Variants in WDR59 observed in about 807,000 individuals in gnomAD.
The protein encoded by WDR59 is WD repeat domain 59.
Under a neutral mutation model 131.2 loss-of-function variants are expected in WDR59, and 100 were observed. The observed-to-expected ratio is 0.76, with a 90% CI of 0.65 to 0.90. The LOEUF is 0.90. WDR59 is among the 40% of genes least tolerant of loss of function. The pLI, the probability that WDR59 is intolerant of heterozygous loss-of-function variation, is 0.00. For missense variants in WDR59, 1,203 were observed against 1,262.2 expected (o/e 0.95, Z 0.71); for synonymous variants, 601 against 466.2 (o/e 1.29, Z -3.72).
chr16:74,909,349 G>A, intron 16 of WDR59, 152 bp downstream of exon 16: 10 of 949,200 alleles, frequency 1.1e-5, no homozygotes, highest in Non-Finnish European at 1.5e-5. Context: ...ACACCGACTG[G>A]GCCTCAGACC....
chr16:74,910,206 G>T (rs1224832038), intron 14 of WDR59, among the ~76,000 whole-genome samples: 2 of 152,072 alleles, frequency 1.3e-5, no homozygotes, highest in Non-Finnish European at 2.9e-5. Flanking sequence ...GACCTCAAGT[G>T]ATCTGCCCAT....
chr16:74,974,516 G>A (rs1347996977), intron 1 of WDR59, among the ~76,000 whole-genome samples: 1 of 151,854 alleles, frequency 6.6e-6, no homozygotes, highest in Non-Finnish European at 1.5e-5. Context: ...AGTTGGCACA[G>A]CGGGCATGAG....
intron 10 of WDR59, among the ~76,000 whole-genome samples, chr16:74,920,185 T>G (rs1476251558): frequency 6.6e-6 from 1 of 152,156 alleles, no homozygotes; most frequent in Non-Finnish European, 1.5e-5. Flanking sequence ...ATGGTTCAAC[T>G]TACAATTTTT....
At chr16:74,933,892 T>C (rs2031595041) in intron 8 of WDR59, among the ~76,000 whole-genome samples, 1 of 152,216 alleles carries the variant, frequency 6.6e-6, no homozygotes, top group Admixed American at 6.5e-5. Flanking sequence ...CCATTTCTTA[T>C]CTTTAGACCC....
chr16:74,896,772 G>A (rs374414363), intron 18 of WDR59, among the ~76,000 whole-genome samples: 2 of 152,250 alleles, frequency 1.3e-5, no homozygotes, highest in African/African-American at 4.8e-5. Context: ...AATGACACAA[G>A]TCCAAGTATA....
chr16:74,890,180 T>G (rs964431542), intron 20 of WDR59, among the ~76,000 whole-genome samples: 8 of 152,226 alleles, frequency 5.3e-5, no homozygotes, highest in Admixed American at 3.3e-4. Context: ...AGACAGAGTC[T>G]CGCTCTGTCG....
At chr16:74,915,187 T>C (rs553578615) in intron 13 of WDR59, among the ~76,000 whole-genome samples, 25 of 152,290 alleles carry the variant, frequency 1.6e-4, no homozygotes, top group Admixed American at 7.8e-4. Flanking sequence ...CTGGACGGGC[T>C]GGAGGTTTGG....
At chr16:74,916,401 T>G (rs1966389091) in intron 11 of WDR59, 142 bp from the exon 12 acceptor site, 2 of 1,072,814 alleles carry the variant, frequency 1.9e-6, no homozygotes, top group African/African-American at 3.2e-5. Context: ...CAAAATAGAT[T>G]TTACCCATTG....
At chr16:74,948,611 G>T (rs2145127702) in intron 5 of WDR59, 55 bp from the exon 6 acceptor site, 3 of 1,416,512 alleles carry the variant, frequency 2.1e-6, no homozygotes, top group South Asian at 2.3e-5. Context: ...CCACCCACCT[G>T]GTATTTTTCA....
intron 8 of WDR59, among the ~76,000 whole-genome samples, chr16:74,926,130 G>A (rs967123034): frequency 3.3e-5 from 5 of 149,460 alleles, no homozygotes; most frequent in Non-Finnish European, 7.4e-5. Flanking sequence ...TGTGATCTCG[G>A]CTCACTGCAA....
chr16:74,912,274 G>C lies in WDR59; in HGVS notation c.1313C>G (p.Pro438Arg), dbSNP rs761796043. ...CTGGAAGGAAGGGGCGGCGTTGTTT[G>C]GGTACTGTGCAGGGAACTTCACCAG... is the stretch of plus-strand genomic sequence containing the variant. ...KMLVKFPAQY[P>R]NNAAPSFQFI... is the part of the protein sequence containing the mutation. Residue 438 changes from proline (P) to arginine (R), a missense_variant, in exon 14 of 26, where the codon CCA (proline) becomes CGA (arginine). Pro to Arg is a moderately radical substitution (Grantham distance 103). Transcript: ENST00000262144. 6.2e-7 allele frequency: 1 copy of C among 1,614,182 alleles called. No homozygotes were observed. The highest frequency in any genetic ancestry group is 8.5e-7 in the Non-Finnish European group (1 of 1,180,038).
chr16:74,895,349 G>A (rs767525159), intron 18 of WDR59, among the ~76,000 whole-genome samples: 2 of 152,144 alleles, frequency 1.3e-5, no homozygotes, highest in South Asian at 2.1e-4. Context: ...TGAAATCTCC[G>A]CCTCCGGGGT....
rs12051402 is a variant in WDR59, at chr16:74,872,529, C to A, written c.*1680G>T. ...GAGCTATGATTGCATCACCACTCTC[C>A]AGTCTGGGTGACAGAGTGAGACCCT... On this transcript the variant is annotated 3_prime_UTR_variant, in exon 26 of 26. Coordinates refer to ENST00000262144, the MANE Select transcript of WDR59 (RefSeq NM_030581.4). The A allele has an allele frequency of 6.7e-6, 1 of 148,948 alleles. No individual in the cohort carries two copies. The highest frequency in any genetic ancestry group is 6.7e-5 in the Admixed American group (1 of 14,886). 9.2% of individuals were successfully genotyped at this position (148,948 alleles called of 1,614,324 possible).
chr16:74,919,772 G>C (rs934778865), intron 10 of WDR59, among the ~76,000 whole-genome samples: 1 of 152,124 alleles, frequency 6.6e-6, no homozygotes, highest in East Asian at 1.9e-4. Flanking sequence ...AGGCATCCTT[G>C]TCCCCTGGCC....
chr16:74,956,373 G>C, intron 3 of WDR59, 102 bp downstream of exon 3: 2 of 1,401,626 alleles, frequency 1.4e-6, no homozygotes, highest in Non-Finnish European at 9.5e-7. Context: ...TTTTCCAAAT[G>C]AGCAATGAGG....
rs376432115 is a variant in WDR59, at chr16:74,942,816, G to A, written c.456C>T (p.Ser152=). 4 of 1,613,316 alleles carry A rather than the reference G, an allele frequency of 2.5e-6. No individual in the cohort carries two copies. Among genetic ancestry groups the A allele is most frequent in the Non-Finnish European group, 3.4e-6 (4 of 1,179,788 alleles). Residue 152 remains serine, a synonymous_variant, in exon 7 of 26, where the codon TCC becomes TCT. Transcript: ENST00000262144. ...CATTTTTTTTATTCCATTTGACCTGGGAGGCACCCGCTGCAAAGAAAAATC... is the reference window on the plus strand; with the variant it reads ...CATTTTTTTTATTCCATTTGACCTGAGAGGCACCCGCTGCAAAGAAAAATC... ...TVALSAVAGA[S]QVKWNKKNAN... is the part of the protein sequence containing the mutation.
chr16:74,892,022 A>C (rs956805304), intron 20 of WDR59, among the ~76,000 whole-genome samples: 3 of 152,236 alleles, frequency 2.0e-5, no homozygotes, highest in African/African-American at 7.2e-5. Flanking sequence ...TTAAAAAAAT[A>C]CAGAGATAAT....
chr16:74,912,923 T>C (rs1385245154), intron 13 of WDR59, among the ~76,000 whole-genome samples: 2 of 152,168 alleles, frequency 1.3e-5, no homozygotes, highest in Non-Finnish European at 2.9e-5. Context: ...GTTTAAGCGG[T>C]TTTCTGCCCT....
At position 74,892,485 on chromosome 16, in the gene WDR59, T is replaced by C. The variant is rs749847616; in HGVS notation, c.2081A>G (p.Gln694Arg). The C allele has an allele frequency of 1.7e-5, 27 of 1,613,538 alleles. No individual in the cohort carries two copies. The highest frequency in any genetic ancestry group is 3.3e-4 in the Middle Eastern group (2 of 6,060). Residue 694 changes from glutamine (Q) to arginine (R), a missense_variant and splice_region_variant, in exon 20 of 26, where the codon CAG becomes CGG. Transcript: ENST00000262144. ...TCCACCAAAAGGGATGGACAATACC[T>C]GGACAAGATCCTTTCTTCCAACGAG... is the stretch of plus-strand genomic sequence containing the variant. ...ALLVGRKDLV[Q>R]VWSLATVATD... is the part of the protein sequence containing the mutation.
Sources: gnomAD v4.1 joint callset for allele counts (sites outside exome capture counted in the v4.1 genomes callset) on GRCh38, gnomAD v4.1.1 for gene constraint, MANE v1.5 for transcripts, NCBI Gene and HGNC (gene_info 2026-07-23, HGNC 2026-07-21) for gene names.